The following UGT1A10 variants were observed in gnomAD, a reference collection of about 807,000 sequenced individuals.
UGT1A10 encodes UDP glucuronosyltransferase family 1 member A10, also known as UDP-glucuronosyltransferase 1A10.
In UGT1A10, 49 loss-of-function variants were observed where a neutral mutation model predicts 45.8. The ratio of observed to expected loss-of-function variants is 1.07; its 90% CI spans 0.85 to 1.36. The LOEUF (loss-of-function observed/expected upper bound fraction) is 1.36, where lower values mean the gene tolerates loss of function less well. Ranked by LOEUF, UGT1A10 falls within the 40% of genes most tolerant of loss-of-function variation. The pLI is 0.00. For missense variants in UGT1A10, 745 were observed against 668.6 expected (o/e 1.11, Z -1.26); for synonymous variants, 284 against 249.7 (o/e 1.14, Z -1.29).
chr2:233,751,225 C>T (rs1015976096), intron 1 of UGT1A10, among the ~76,000 whole-genome samples: 6 of 151,960 alleles, frequency 3.9e-5, no homozygotes, highest in Admixed American at 3.9e-4. Flanking sequence ...TTAATGACTG[C>T]CCTGCCTGGT....
At position 233,743,889 on chromosome 2, in the gene UGT1A10, C is replaced by G. The variant is rs772404116; in HGVS notation, c.856-23145C>G. 4.4e-6 allele frequency: 6 copies of G among 1,366,986 alleles called. No individual in the cohort carries two copies. In the Admixed American group the frequency reaches 9.5e-5, roughly 22 times the overall value. The allele number at this position is 1,366,986 out of a possible 1,614,324, so 84.7% of individuals were successfully genotyped here. A position where few individuals can be genotyped will look rare whatever the true frequency, so the allele number is the denominator to read the frequency against. ...GCCTCGGATGAGGCCTGCCGGGGCA[C>G]GTCCAGCACCTCGTAGTAGTCCACC... On this transcript the variant is annotated intron_variant, in intron 1 of 4. Coordinates refer to ENST00000344644, the MANE Select transcript of UGT1A10 (RefSeq NM_019075.4).
intron 1 of UGT1A10, chr2:233,755,045 G>C (rs745537470): frequency 7.5e-7 from 1 of 1,325,478 alleles, no homozygotes; most frequent in Non-Finnish European, 1.0e-6. Context: ...CTGCGCAGCC[G>C]CCCTCCGCCC....
At position 233,636,755 on chromosome 2, in the gene UGT1A10, C is replaced by A. The variant is rs765888404; in HGVS notation, c.233C>A (p.Ser78Ter). The A allele has an allele frequency of 6.2e-7, 1 of 1,614,174 alleles. No homozygotes were observed. The highest frequency in any genetic ancestry group is 2.2e-5 in the East Asian group (1 of 44,868). Residue 78 changes from serine to a stop codon, truncating the protein, a stop_gained, in exon 1 of 5, where the codon TCA (serine) becomes TAA (stop). Coordinates refer to ENST00000344644, the MANE Select transcript of UGT1A10 (RefSeq NM_019075.4). LOFTEE classifies it high-confidence loss of function. Reference sequence around the variant, plus strand: ...CTGAATTGCACAGTGAAGACTTACTCAACCTCGTACACTCTGGAAGATCAG... The same window carrying A: ...CTGAATTGCACAGTGAAGACTTACTAAACCTCGTACACTCTGGAAGATCAG... ...RSLNCTVKTY[S>*]TSYTLEDQNR...
chr2:233,719,403 C>T, intron 1 of UGT1A10: 1 of 1,613,982 alleles, frequency 6.2e-7, no homozygotes, highest in African/African-American at 1.3e-5. Flanking sequence ...CTCCTATATT[C>T]CTAAGTTACT....
intron 1 of UGT1A10, among the ~76,000 whole-genome samples, chr2:233,643,307 AGAGGAGCCTCACCTTGTAGCCACTGCCAC>A (rs1373365602): frequency 6.6e-6 from 1 of 152,176 alleles, no homozygotes; most frequent in Non-Finnish European, 1.5e-5. Context: ...TTGCAAAGAC[AGAGGAGCCTCACCTTGTAGCCACTGCCAC>A]CCCTGGCCAT....
chr2:233,694,161 CAG>C (rs1316707108), intron 1 of UGT1A10, among the ~76,000 whole-genome samples: 2 of 152,146 alleles, frequency 1.3e-5, no homozygotes, highest in African/African-American at 4.8e-5. Context: ...CCAGTTCAAA[CAG>C]AGGTGAAGGC....
intron 1 of UGT1A10, among the ~76,000 whole-genome samples, chr2:233,746,975 C>T (rs1401004389): frequency 1.3e-5 from 2 of 151,722 alleles, no homozygotes; most frequent in Non-Finnish European, 2.9e-5. Context: ...TTCCCCAGAG[C>T]GAGCGCAGGG....
rs559155778 is a variant in UGT1A10 at position 233,769,190 on chromosome 2, G to A, written c.1295+751G>A. Among the ~76,000 whole-genome samples, 1 of 152,304 alleles carries A rather than the reference G, an allele frequency of 6.6e-6. No homozygotes were observed. The highest frequency in any genetic ancestry group is 2.4e-5 in the African/African-American group (1 of 41,564). ...GTCCATGGAGTTTATGAATGAAGGA[G>A]CTATAAGATATCACAGACAAAGTCT... On this transcript the variant is annotated intron_variant, in intron 4 of 4. Transcript: ENST00000344644. The surrounding 1 kb of genome is among the most constrained non-coding windows in gnomAD (Gnocchi z 4.4).
intron 1 of UGT1A10, among the ~76,000 whole-genome samples, chr2:233,732,747 C>T (rs2078308352): frequency 6.7e-6 from 1 of 150,262 alleles, no homozygotes; most frequent in South Asian, 2.1e-4. Flanking sequence ...CATGATGCCA[C>T]CAGCTTTGTT....
At chr2:233,724,300 C>A (rs1204740758) in intron 1 of UGT1A10, among the ~76,000 whole-genome samples, 1 of 143,820 alleles carries the variant, frequency 7.0e-6, no homozygotes, top group Non-Finnish European at 1.5e-5. Context: ...GACCCCCCCA[C>A]CTCCCTCCCG....
intron 1 of UGT1A10, among the ~76,000 whole-genome samples, chr2:233,725,178 G>A (rs2077377532): frequency 1.5e-5 from 1 of 68,192 alleles, no homozygotes; most frequent in Admixed American, 1.4e-4. Flanking sequence ...GAGACCGTGG[G>A]GAGAGGCAGA....
chr2:233,756,190 G>A (rs1012891343), intron 1 of UGT1A10: 15 of 152,208 alleles, frequency 9.9e-5, no homozygotes, highest in African/African-American at 3.4e-4. Flanking sequence ...CGCTAGTCTA[G>A]CAGAGTAGTC....
intron 1 of UGT1A10, among the ~76,000 whole-genome samples, chr2:233,735,251 C>T (rs915442177): frequency 3.3e-5 from 5 of 152,018 alleles, no homozygotes; most frequent in Admixed American, 6.6e-5. Context: ...TTGAATTGCT[C>T]CCTTTACCAT....
At chr2:233,707,386 G>A (rs1362330538) in intron 1 of UGT1A10, among the ~76,000 whole-genome samples, 2 of 152,040 alleles carry the variant, frequency 1.3e-5, no homozygotes, top group Non-Finnish European at 2.9e-5. Flanking sequence ...GCATCCATGA[G>A]CTATTCTTTT....
rs1402956787 is a variant in UGT1A10 at position 233,772,421 on chromosome 2, C to T, written c.1455C>T (p.Ser485=). 4.3e-6 allele frequency: 7 copies of T among 1,614,232 alleles called. No individual in the cohort carries two copies. The highest frequency in any genetic ancestry group is 1.6e-4 in the Middle Eastern group (1 of 6,062). ...AHDLTWYQYH[S]LDVIGFLLAV... ...ACCTCACCTGGTACCAGTACCATTC[C>T]TTGGACGTGATTGGTTTCCTCTTGG... Residue 485 remains serine (S), a synonymous_variant, in exon 5 of 5, where the codon TCC becomes TCT. Transcript: ENST00000344644.
At chr2:233,758,329 G>C (rs544542552) in intron 1 of UGT1A10, among the ~76,000 whole-genome samples, 16 of 152,342 alleles carry the variant, frequency 1.1e-4, no homozygotes, top group Non-Finnish European at 2.1e-4. Context: ...GCCTCAAAAA[G>C]CTTGGAAGCT....
intron 1 of UGT1A10, among the ~76,000 whole-genome samples, chr2:233,761,349 C>T (rs963345880): frequency 6.6e-6 from 1 of 152,178 alleles, no homozygotes; most frequent in African/African-American, 2.4e-5. Flanking sequence ...TCTGAGATTT[C>T]GGGAAAGCAT....
intron 1 of UGT1A10, among the ~76,000 whole-genome samples, chr2:233,664,408 T>G (rs1178658405): frequency 6.6e-6 from 1 of 152,182 alleles, no homozygotes; most frequent in Non-Finnish European, 1.5e-5. Context: ...GGTACCAATT[T>G]TCTACCCTTC....
At chr2:233,705,147 AAAG>A (rs767528051) in intron 1 of UGT1A10, among the ~76,000 whole-genome samples, 175 of 152,082 alleles carry the variant, frequency 1.2e-3, no homozygotes, top group Middle Eastern at 3.4e-3. Flanking sequence ...AAAAAAAAAA[AAAG>A]AGAGAGAGAG....
Sources: allele counts gnomAD v4.1 joint callset (sites outside exome capture counted in the v4.1 genomes callset), GRCh38; gene constraint gnomAD v4.1.1; non-coding constraint Gnocchi (gnomAD v3.1); transcripts MANE v1.5; gene names NCBI Gene and HGNC (gene_info 2026-07-23, HGNC 2026-07-21).